Variants in SND1 observed in about 807,000 individuals in gnomAD.
SND1 encodes the protein staphylococcal nuclease domain-containing protein 1.
SND1 carries 38 observed loss-of-function variants against 121.7 expected under a neutral mutation model. The ratio of observed to expected loss-of-function variants is 0.31; its 90% confidence interval spans 0.24 to 0.41. SND1 has a LOEUF of 0.41. Among genes scored for constraint, SND1 ranks in the 10% least tolerant of loss-of-function variants. SND1 has a pLI of 1.00. For synonymous variants in SND1, 401 were observed against 447.4 expected, an observed-to-expected ratio of 0.90 and a Z score of 1.31; for missense variants, 868 against 1,184.6, an observed-to-expected ratio of 0.73 and a Z score of 3.92.
intron 10 of SND1, among the ~76,000 whole-genome samples, chr7:127,776,978 T>A (rs893817098): frequency 3.3e-5 from 5 of 152,238 alleles, no homozygotes; most frequent in African/African-American, 9.6e-5. Context: ...TTCCTCTTCA[T>A]TCCTGTGGTC....
intron 16 of SND1, chr7:128,028,843 T>G: frequency 6.2e-7 from 1 of 1,614,162 alleles, no homozygotes; most frequent in Non-Finnish European, 8.5e-7. Context: ...TCATGAATTG[T>G]GGGCAGCACT....
chr7:127,769,693 G>A lies in SND1; in HGVS notation c.1153-37791G>A, dbSNP rs562566924. 7.2e-4 allele frequency among the ~76,000 whole-genome samples: 110 copies of A among 152,084 alleles called. 1 individual carries two copies. Among genetic ancestry groups the A allele is most frequent in the African/African-American group, 2.5e-3 (104 of 41,456 alleles). On this transcript the variant is annotated intron_variant, in intron 10 of 23. Coordinates refer to ENST00000354725, the MANE Select transcript of SND1 (RefSeq NM_014390.4). The stretch of plus-strand genomic sequence containing the variant: ...TTAAAAAAAAAATCTGGGTGTTTGT[G>A]TGTTGTATATGTGTATATATATAAA...
In SND1 at chr7:127,694,655, C is replaced by G. The variant is rs911560564; in HGVS notation, c.229-173C>G. 5.8e-6 allele frequency: 4 copies of G among 694,808 alleles called. No individual in the cohort carries two copies. The African/African-American group carries it at 7.2e-5, about 12-fold the overall frequency. 43.0% of individuals were successfully genotyped at this position (694,808 alleles called of 1,614,324 possible). On this transcript the variant is annotated intron_variant, in intron 2 of 23. Transcript: ENST00000354725. ...GGACCCTCCTTTTTTTATGAGCCCC[C>G]TAAGTGTGCGATCTGCATTGTGTGC...
At chr7:127,966,374 C>A (rs1362785281) in intron 15 of SND1, among the ~76,000 whole-genome samples, 1 of 146,486 alleles carries the variant, frequency 6.8e-6, no homozygotes, top group South Asian at 2.2e-4. Flanking sequence ...CTACAGAACT[C>A]TCCACCCCAG....
intron 16 of SND1, among the ~76,000 whole-genome samples, chr7:128,035,299 T>C (rs79277205): frequency 2.6e-5 from 4 of 152,386 alleles, no homozygotes; most frequent in Non-Finnish European, 5.9e-5. Flanking sequence ...TATGTAGCTC[T>C]GTGAAGGTTG....
intron 10 of SND1, among the ~76,000 whole-genome samples, chr7:127,783,339 G>T (rs1797755542): frequency 6.6e-6 from 1 of 152,156 alleles, no homozygotes; most frequent in Non-Finnish European, 1.5e-5. Context: ...TGCCCATGGG[G>T]AACAGGCTTT....
In SND1 at chr7:127,833,581, A is replaced by G. The variant is rs151151042; in HGVS notation, c.1243-10743A>G. On this transcript the variant is annotated intron_variant, in intron 11 of 23. Transcript: ENST00000354725. Reference sequence around the variant, plus strand: ...CACCCAGCCTGAACTGTCTTATTGAAGTAACCAGTAGATTCAGGAGTTAGC... The same window carrying G: ...CACCCAGCCTGAACTGTCTTATTGAGGTAACCAGTAGATTCAGGAGTTAGC... Among the ~76,000 whole-genome samples the G allele has an allele frequency of 4.7e-3, 715 of 152,218 alleles. 7 individuals are homozygous for G. The highest frequency in any genetic ancestry group is 0.016 in the African/African-American group (682 of 41,530).
chr7:128,035,068 T>TA (rs960766835), intron 16 of SND1, among the ~76,000 whole-genome samples: 1 of 152,182 alleles, frequency 6.6e-6, no homozygotes, highest in African/African-American at 2.4e-5. Context: ...CAGAGAGAGC[T>TA]AAAAAAGCCA....
At chr7:127,701,406 C>A in intron 5 of SND1, 83 bp downstream of exon 5, 1 of 1,395,934 alleles carries the variant, frequency 7.2e-7, no homozygotes, top group Non-Finnish European at 9.8e-7. Context: ...TTTGTAAAAT[C>A]TAGTAAGCCT....
At position 127,929,337 on chromosome 7, in the gene SND1, T is replaced by G; in HGVS notation, c.1669+8T>G. On this transcript the variant is annotated splice_region_variant and intron_variant, in intron 15 of 23. Coordinates refer to ENST00000354725, the MANE Select transcript of SND1 (RefSeq NM_014390.4). The stretch of plus-strand genomic sequence containing the variant: ...TCACCTTCTTGCTTGCAGGTAAGTC[T>G]TATGTGTTACATGTTACTCTGAGCT... 1 of 1,613,876 alleles carries G rather than the reference T, an allele frequency of 6.2e-7. No homozygotes were observed. Among genetic ancestry groups the G allele is most frequent in the Non-Finnish European group, 8.5e-7 (1 of 1,179,774 alleles).
At chr7:128,047,957 C>T (rs1251714515) in intron 16 of SND1, among the ~76,000 whole-genome samples, 5 of 152,004 alleles carry the variant, frequency 3.3e-5, no homozygotes, top group Admixed American at 6.5e-5. Flanking sequence ...AAACAATTCT[C>T]CTGCCTCAGC....
chr7:127,898,261 T>TA (rs1216132256), intron 13 of SND1, among the ~76,000 whole-genome samples: 1 of 152,184 alleles, frequency 6.6e-6, no homozygotes, highest in African/African-American at 2.4e-5. Flanking sequence ...TGCCTCATAA[T>TA]ACCTACTGAC....
At chr7:128,044,920 T>C (rs1304238617) in intron 16 of SND1, among the ~76,000 whole-genome samples, 1 of 152,120 alleles carries the variant, frequency 6.6e-6, no homozygotes, top group Non-Finnish European at 1.5e-5. Context: ...AAATCCTTAT[T>C]TTTGCAAATC....
At chr7:127,899,136 A>G (rs1371812820) in intron 13 of SND1, among the ~76,000 whole-genome samples, 3 of 152,186 alleles carry the variant, frequency 2.0e-5, no homozygotes, top group East Asian at 1.9e-4. Flanking sequence ...TTAAAATACT[A>G]TAATAAAGAT....
chr7:128,001,991 C>T (rs1463889875), intron 16 of SND1, among the ~76,000 whole-genome samples: 3 of 152,184 alleles, frequency 2.0e-5, no homozygotes, highest in African/African-American at 7.2e-5. Flanking sequence ...AGGACTTGAA[C>T]TTCAGTATGT....
intron 12 of SND1, among the ~76,000 whole-genome samples, chr7:127,887,292 A>G (rs1584642584): frequency 1.3e-5 from 2 of 151,958 alleles, no homozygotes; most frequent in Admixed American, 6.6e-5. Context: ...CCACAGCACA[A>G]AGAATTTCCT....
chr7:128,036,651 TCTAAGA>T (rs1562877938), intron 16 of SND1, among the ~76,000 whole-genome samples: 1 of 152,232 alleles, frequency 6.6e-6, no homozygotes, highest in Non-Finnish European at 1.5e-5. Flanking sequence ...TTCCCTCTCC[TCTAAGA>T]CTAAGTTTCT....
chr7:127,695,682 C>T (rs976715826), intron 3 of SND1, among the ~76,000 whole-genome samples: 4 of 152,042 alleles, frequency 2.6e-5, no homozygotes, highest in Admixed American at 6.5e-5. Flanking sequence ...AAAAATTAGC[C>T]AGGCGTGGTG....
chr7:127,898,387 C>T (rs997056316), intron 13 of SND1, among the ~76,000 whole-genome samples: 7 of 152,108 alleles, frequency 4.6e-5, no homozygotes, highest in Non-Finnish European at 1.0e-4. Context: ...ATTGAAAATG[C>T]AGCTGCATAA....
Sources: allele counts gnomAD v4.1 joint callset (sites outside exome capture counted in the v4.1 genomes callset), GRCh38; gene constraint gnomAD v4.1.1; transcripts MANE v1.5; gene names NCBI Gene and HGNC (gene_info 2026-07-23, HGNC 2026-07-21).